The following ANXA13 variants were observed in gnomAD, a reference collection of about 807,000 sequenced individuals.
ANXA13 encodes the protein annexin XIII.
Under a neutral mutation model 46.6 loss-of-function variants are expected in ANXA13, and 36 were observed. The ratio of observed to expected loss-of-function variants is 0.77; its 90% CI spans 0.59 to 1.02. ANXA13 has a LOEUF of 1.02. Among genes scored for constraint, ANXA13 ranks in the 50% least tolerant of loss-of-function variants. The pLI is 0.00. For missense variants in ANXA13, 417 were observed against 396.5 expected (o/e 1.05, Z -0.44); for synonymous variants, 163 against 152.9 (o/e 1.07, Z -0.49).
chr8:123,714,117 T>G (rs1352568646), intron 1 of ANXA13, among the ~76,000 whole-genome samples: 1 of 152,226 alleles, frequency 6.6e-6, no homozygotes, highest in Non-Finnish European at 1.5e-5. Context: ...GTCAACCACA[T>G]GCAGCTCAGT....
At chr8:123,734,095 C>G (rs1326011031) in intron 1 of ANXA13, among the ~76,000 whole-genome samples, 1 of 152,218 alleles carries the variant, frequency 6.6e-6, no homozygotes, top group East Asian at 1.9e-4. Context: ...TTTCTATTGC[C>G]TGTTCATTAG....
At chr8:123,686,751 C>A (rs1813147236) in intron 9 of ANXA13, among the ~76,000 whole-genome samples, 1 of 152,100 alleles carries the variant, frequency 6.6e-6, no homozygotes. Context: ...AATGCTGCTC[C>A]AGAGGCTGGA....
rs1390009554 is a variant in ANXA13 at position 123,737,368 on chromosome 8, A to T, written c.-34T>A. 4 of 1,596,134 alleles carry T rather than the reference A, an allele frequency of 2.5e-6. No homozygotes were observed. The highest frequency in any genetic ancestry group is 3.4e-5 in the Admixed American group (2 of 59,674). ...TTCTGAGATGGTTTTTCTGTATTTC[A>T]TCAAGAGATCAGTCCTCCTACAGGC... On this transcript the variant is annotated 5_prime_UTR_variant, in exon 1 of 11. It removes an upstream start codon present in the reference 5' UTR. Transcript: ENST00000419625.
In ANXA13 at chr8:123,695,724, AG is replaced by A. The variant is rs752664785; in HGVS notation, c.358-4del. ...GCCTCTTTAATGGCGATGATTTCCT[AG>A]GGAAGGTAATTTACAAAAAAATCAA... On this transcript the variant is annotated splice_polypyrimidine_tract_variant and splice_region_variant and intron_variant, in intron 4 of 10. Transcript: ENST00000419625. The A allele has an allele frequency of 3.1e-6, 5 of 1,612,138 alleles. No individual in the cohort carries two copies. In the South Asian group the frequency reaches 4.4e-5, roughly 14 times the overall value.
Position 123,690,755 on chromosome 8 carries a change from G to A in ANXA13, c.643-1809C>T, listed in dbSNP as rs914060889. Among the ~76,000 whole-genome samples the A allele has an allele frequency of 2.2e-4, 33 of 152,230 alleles. No homozygotes were observed. Among genetic ancestry groups the A allele is most frequent in the African/African-American group, 5.1e-4 (21 of 41,466 alleles). Reference sequence around the variant, plus strand: ...CTGCAGGGAGGTTATTAGAGGAGCAGGGGAGACATTTCTTTCTTTGAAAAT... The same window carrying A: ...CTGCAGGGAGGTTATTAGAGGAGCAAGGGAGACATTTCTTTCTTTGAAAAT... On this transcript the variant is annotated intron_variant, in intron 8 of 10. Transcript: ENST00000419625. The surrounding 1 kb of genome is among the most constrained non-coding windows in gnomAD (Gnocchi z 4.6).
intron 3 of ANXA13, among the ~76,000 whole-genome samples, chr8:123,700,290 T>C (rs927713918): frequency 2.6e-5 from 4 of 152,218 alleles, no homozygotes; most frequent in African/African-American, 9.6e-5. Context: ...TTCCCACTCT[T>C]ACAAGCCACA....
At chr8:123,703,037 C>T (rs1181710759) in intron 2 of ANXA13, among the ~76,000 whole-genome samples, 1 of 152,132 alleles carries the variant, frequency 6.6e-6, no homozygotes, top group Non-Finnish European at 1.5e-5. Context: ...AACATATGTC[C>T]ACCCAACAAT....
At position 123,698,912 on chromosome 8, in the gene ANXA13, A is replaced by G. The variant is rs563697433; in HGVS notation, c.187-353T>C. Among the ~76,000 whole-genome samples, 248 of 152,246 alleles carry G rather than the reference A, an allele frequency of 1.6e-3. 2 individuals are homozygous for G. The highest frequency in any genetic ancestry group is 5.5e-3 in the African/African-American group (227 of 41,538). ...TCTGTTGAACCTGATAAGATGAAGA[A>G]TTTTCCCCAAATATTCAGCTAGGAA... is the stretch of plus-strand genomic sequence containing the variant. On this transcript the variant is annotated intron_variant, in intron 3 of 10. Transcript: ENST00000419625.
chr8:123,688,661 C>T (rs1813180847), intron 9 of ANXA13, among the ~76,000 whole-genome samples: 2 of 152,172 alleles, frequency 1.3e-5, no homozygotes, highest in Admixed American at 1.3e-4. Context: ...CCTTGCTCCA[C>T]CTTGGACATC....
At chr8:123,708,836 C>T (rs1351200175) in intron 2 of ANXA13, among the ~76,000 whole-genome samples, 63 of 152,164 alleles carry the variant, frequency 4.1e-4, no homozygotes, top group Non-Finnish European at 8.8e-5. Flanking sequence ...GCCGGGAACC[C>T]TTAGCATTCT....
At chr8:123,704,630 C>T (rs1386809742) in intron 2 of ANXA13, among the ~76,000 whole-genome samples, 1 of 152,160 alleles carries the variant, frequency 6.6e-6, no homozygotes, top group Non-Finnish European at 1.5e-5. Flanking sequence ...CTCCTGGCCT[C>T]AGGTGATCCA....
chr8:123,696,372 C>T (rs974892877), intron 4 of ANXA13, among the ~76,000 whole-genome samples: 2 of 152,202 alleles, frequency 1.3e-5, no homozygotes, highest in Admixed American at 6.5e-5. Context: ...CAAGTTTTCT[C>T]TCCTTCAAAC....
At chr8:123,722,785 G>A (rs1212372974) in intron 1 of ANXA13, among the ~76,000 whole-genome samples, 1 of 152,210 alleles carries the variant, frequency 6.6e-6, no homozygotes, top group African/African-American at 2.4e-5. Context: ...GTTTCATTAT[G>A]ATGACTCAGG....
chr8:123,719,899 T>A (rs868739802), intron 1 of ANXA13, among the ~76,000 whole-genome samples: 1 of 152,130 alleles, frequency 6.6e-6, no homozygotes, highest in Non-Finnish European at 1.5e-5. Flanking sequence ...CACCTGTGCA[T>A]GGGGTGGTGT....
intron 1 of ANXA13, among the ~76,000 whole-genome samples, chr8:123,723,381 C>T (rs1012866190): frequency 3.3e-5 from 5 of 152,322 alleles, no homozygotes; most frequent in South Asian, 2.1e-4. Context: ...TGGGAAGAAT[C>T]GAATTCTTCC....
At chr8:123,725,677 T>C (rs546820255) in intron 1 of ANXA13, among the ~76,000 whole-genome samples, 1 of 152,210 alleles carries the variant, frequency 6.6e-6, no homozygotes, top group South Asian at 2.1e-4. Flanking sequence ...CAGAAAAAAA[T>C]ATATTTGGCA....
chr8:123,702,803 C>CTGGCTTCCTCACCCTGGACTAA, intron 2 of ANXA13, 67 bp from the exon 3 acceptor site: 1 of 1,454,378 alleles, frequency 6.9e-7, no homozygotes, highest in Non-Finnish European at 9.7e-7. Flanking sequence ...TATTTTAGTC[C>CTGGCTTCCTCACCCTGGACTAA]AGGGTGAGGA....
rs142717133 is a variant in ANXA13, at chr8:123,713,582, A to T, written c.16-829T>A. On this transcript the variant is annotated intron_variant, in intron 1 of 10. Coordinates refer to ENST00000419625, the MANE Select transcript of ANXA13 (RefSeq NM_004306.4). ...TAAACACATAACTATTAAAAACTGC[A>T]ATTAACCTGTGAGGTTAATTGTAGT... 2.7e-3 allele frequency among the ~76,000 whole-genome samples: 406 copies of T among 152,310 alleles called. 3 individuals are homozygous for T. The highest frequency in any genetic ancestry group is 9.6e-3 in the African/African-American group (397 of 41,564).
chr8:123,730,342 A>G (rs892121248), intron 1 of ANXA13, among the ~76,000 whole-genome samples: 9 of 152,192 alleles, frequency 5.9e-5, no homozygotes, highest in African/African-American at 1.9e-4. Context: ...CAACATCACC[A>G]GGGAACTCAG....
Sources: gnomAD v4.1 joint callset for allele counts (sites outside exome capture counted in the v4.1 genomes callset) on GRCh38, gnomAD v4.1.1 for gene constraint, Gnocchi (gnomAD v3.1) non-coding constraint, MANE v1.5 for transcripts, NCBI Gene and HGNC (gene_info 2026-07-23, HGNC 2026-07-21) for gene names.